The following TTC28 variants were observed in gnomAD, a reference collection of about 807,000 sequenced individuals.
TTC28 encodes tetratricopeptide repeat domain 28, also known as tetratricopeptide repeat protein 28.
In TTC28, 61 loss-of-function variants were observed where a neutral mutation model predicts 198.0. That is an observed-to-expected ratio of 0.31 (90% CI 0.25 to 0.38). TTC28 has a LOEUF of 0.38. TTC28 is among the 10% of genes least tolerant of loss of function. The pLI is 1.00. For synonymous variants in TTC28, 1,171 were observed against 1,297.8 expected (o/e 0.90, Z 2.10); for missense variants, 2,678 against 3,164.0 (o/e 0.85, Z 3.69).
At chr22:28,013,606 C>T (rs1357843086) in intron 14 of TTC28, among the ~76,000 whole-genome samples, 1 of 152,188 alleles carries the variant, frequency 6.6e-6, no homozygotes, top group East Asian at 1.9e-4. Flanking sequence ...GACTCCATCT[C>T]ACCAGAAAGC....
chr22:28,610,977 T>C (rs1213472837), intron 2 of TTC28, among the ~76,000 whole-genome samples: 1 of 151,664 alleles, frequency 6.6e-6, no homozygotes, highest in Admixed American at 6.6e-5. Context: ...ATATCAGAGA[T>C]GGAAGATCAA....
intron 2 of TTC28, among the ~76,000 whole-genome samples, chr22:28,421,254 A>T (rs1196965297): frequency 2.0e-5 from 3 of 152,192 alleles, no homozygotes; most frequent in African/African-American, 7.2e-5. Context: ...ATACATCCAA[A>T]GGCACGCGTA....
At position 27,999,235 on chromosome 22, in the gene TTC28, G is replaced by A; in HGVS notation, c.4424C>T (p.Thr1475Ile). The A allele has an allele frequency of 1.3e-6, 2 of 1,550,720 alleles. No homozygotes were observed. Among genetic ancestry groups the A allele is most frequent in the African/African-American group, 1.4e-5 (1 of 73,164 alleles). ...CGCCATGGATGTGGAGCTGGAGTAT[G>A]TGGGCGGGTTCTTCCGTAAGTGAGA... is the stretch of plus-strand genomic sequence containing the variant. Reference protein sequence around the residue: ...SKSHLRKNPPTYSSSTSMAAV... With the variant: ...SKSHLRKNPPIYSSSTSMAAV... The change falls in exon 16 of 23, where the codon ACA (threonine) becomes ATA (isoleucine). Residue 1475 changes from threonine to isoleucine, a missense_variant. By Grantham distance (89) the Thr-to-Ile change is moderately conservative. Around this residue, in one of 8 missense-constraint regions of TTC28, gnomAD observed 727 missense variants for 861.9 expected, o/e 0.84. Transcript: ENST00000397906.
Position 28,189,566 on chromosome 22 carries a change from A to AC in TTC28, c.934-25968_934-25967insG, listed in dbSNP as rs796830869. On this transcript the variant is annotated intron_variant, in intron 5 of 22. Transcript: ENST00000397906. ...ACACATGAGATTCTACGCAATGAAAAAAAAAAACCAAAAAGAAAAAAAAGA... is the reference window on the plus strand; with the variant it reads ...ACACATGAGATTCTACGCAATGAAAACAAAAAAACCAAAAAGAAAAAAAAGA... Among the ~76,000 whole-genome samples, 166 of 151,992 alleles carry AC rather than the reference A, an allele frequency of 1.1e-3. 2 individuals carry two copies. Among genetic ancestry groups the AC allele is most frequent in the African/African-American group, 3.6e-3 (151 of 41,560 alleles).
At chr22:28,236,285 CT>C (rs1929242360) in intron 5 of TTC28, among the ~76,000 whole-genome samples, 1 of 152,194 alleles carries the variant, frequency 6.6e-6, no homozygotes. Flanking sequence ...ACTTTCATTT[CT>C]TTAGCTATTC....
chr22:28,346,915 CAACA>C (rs901967753), intron 2 of TTC28, among the ~76,000 whole-genome samples: 4 of 152,086 alleles, frequency 2.6e-5, no homozygotes, highest in Admixed American at 2.0e-4. Context: ...CAAAAACAAA[CAACA>C]AACAATATTC....
chr22:27,986,863 AG>A (rs1937233474), intron 21 of TTC28, among the ~76,000 whole-genome samples: 1 of 152,256 alleles, frequency 6.6e-6, no homozygotes, highest in Non-Finnish European at 1.5e-5. Flanking sequence ...TGAAAGCAAC[AG>A]GAAGACATAA....
intron 3 of TTC28, among the ~76,000 whole-genome samples, chr22:28,304,589 A>C (rs1471206711): frequency 6.6e-6 from 1 of 152,204 alleles, no homozygotes; most frequent in African/African-American, 2.4e-5. Flanking sequence ...TAAGATGGGA[A>C]AGAACCTGGT....
chr22:28,053,934 C>T (rs986523124), intron 12 of TTC28, among the ~76,000 whole-genome samples: 4 of 152,132 alleles, frequency 2.6e-5, no homozygotes, highest in African/African-American at 9.7e-5. Context: ...TTTAAGAACA[C>T]ATTACACATT....
intron 1 of TTC28, among the ~76,000 whole-genome samples, chr22:28,660,083 C>T (rs918158375): frequency 5.9e-5 from 9 of 152,044 alleles, no homozygotes; most frequent in African/African-American, 2.2e-4. Context: ...GTGTGAGCCA[C>T]CACACACAGC....
chr22:27,993,583 G>A lies in TTC28; in HGVS notation c.5245-65C>T. The A allele has an allele frequency of 1.1e-5, 16 of 1,448,970 alleles. 1 individual carries two copies. The South Asian group carries it at 2.2e-4, about 20-fold the overall frequency. 89.8% of individuals were successfully genotyped at this position (1,448,970 alleles called of 1,614,324 possible). ...CCCTGGTTTCCATCCGCATGGCTTT[G>A]AGGGTACACAAAGCCCCAGGGTGAA... On this transcript the variant is annotated intron_variant, in intron 17 of 22. Transcript: ENST00000397906.
At chr22:28,356,851 T>C (rs1251907972) in intron 2 of TTC28, among the ~76,000 whole-genome samples, 1 of 152,018 alleles carries the variant, frequency 6.6e-6, no homozygotes, top group African/African-American at 2.4e-5. Flanking sequence ...AAAATATAAA[T>C]TCAAAAAAAT....
intron 1 of TTC28, among the ~76,000 whole-genome samples, chr22:28,631,531 T>C (rs1005986611): frequency 6.6e-6 from 1 of 152,140 alleles, no homozygotes; most frequent in Admixed American, 6.6e-5. Flanking sequence ...TTTGTTTTTG[T>C]GGGTTTTTTT....
intron 2 of TTC28, among the ~76,000 whole-genome samples, chr22:28,612,898 C>G (rs972141113): frequency 1.3e-5 from 2 of 152,102 alleles, no homozygotes; most frequent in African/African-American, 4.8e-5. Flanking sequence ...CTAAAATTGA[C>G]ACTCTAACGT....
intron 5 of TTC28, among the ~76,000 whole-genome samples, chr22:28,189,948 T>C (rs1345495270): frequency 1.3e-5 from 2 of 152,230 alleles, no homozygotes; most frequent in Admixed American, 6.5e-5. Flanking sequence ...GAAGCTTAAG[T>C]AGTTTCAAAA....
chr22:28,272,930 G>C (rs1487230523), intron 5 of TTC28, among the ~76,000 whole-genome samples: 2 of 152,168 alleles, frequency 1.3e-5, no homozygotes, highest in African/African-American at 2.4e-5. Flanking sequence ...AAGACAAATA[G>C]AAAGTAACTG....
At chr22:28,579,581 G>C (rs930712425) in intron 2 of TTC28, among the ~76,000 whole-genome samples, 1 of 147,756 alleles carries the variant, frequency 6.8e-6, no homozygotes, top group Non-Finnish European at 1.5e-5. Flanking sequence ...GCATGTGTGT[G>C]TATATATATA....
At chr22:28,069,921 T>TATAA (rs1259748658) in intron 12 of TTC28, among the ~76,000 whole-genome samples, 2 of 114,940 alleles carry the variant, frequency 1.7e-5, no homozygotes, top group Non-Finnish European at 3.4e-5. Flanking sequence ...TGAAAGGTTG[T>TATAA]ACAAACACAC....
chr22:28,316,275 T>C (rs2045349806), intron 2 of TTC28, among the ~76,000 whole-genome samples: 1 of 152,186 alleles, frequency 6.6e-6, no homozygotes, highest in Non-Finnish European at 1.5e-5. Flanking sequence ...ATTCAACAGA[T>C]GACCTACCCT....
Sources: allele counts gnomAD v4.1 joint callset (sites outside exome capture counted in the v4.1 genomes callset), GRCh38; gene constraint gnomAD v4.1.1; regional missense constraint gnomAD v4.1.1; transcripts MANE v1.5; gene names NCBI Gene and HGNC (gene_info 2026-07-23, HGNC 2026-07-21).